Variants in RXRA observed in about 807,000 individuals in gnomAD.
RXRA encodes retinoid X receptor alpha.
In RXRA, 5 loss-of-function variants were observed where a neutral mutation model predicts 44.5. The observed-to-expected ratio is 0.11, with a 90% CI of 0.06 to 0.24. RXRA has a LOEUF of 0.24. RXRA is among the 10% of genes least tolerant of loss of function. RXRA has a pLI of 1.00. For synonymous variants in RXRA, 291 were observed against 271.4 expected (o/e 1.07, Z -0.71); for missense variants, 412 against 646.5 (o/e 0.64, Z 3.93).
At chr9:134,380,494 GC>G (rs34394067) in intron 1 of RXRA, among the ~76,000 whole-genome samples, 103,707 of 151,878 alleles carry the variant, frequency 0.68, 35,923 homozygotes, top group Non-Finnish European at 0.75. Context: ...CAGGTGGGCG[GC>G]CCCCCCTGGG....
In RXRA at chr9:134,401,746, A is replaced by G. The variant is rs1291556244; in HGVS notation, c.143A>G (p.His48Arg). Residue 48 changes from histidine to arginine, a missense_variant, in exon 2 of 10, where the codon CAT (histidine) becomes CGT (arginine). His to Arg is a conservative substitution (Grantham distance 29). Around this residue, in one of 4 missense-constraint regions of RXRA, gnomAD observed 156 missense variants for 177.2 expected, o/e 0.88. Transcript: ENST00000481739. ...GGCATCGGCTCCCCGGGACAGCTGC[A>G]TTCTCCCATCAGCACCCTGAGCTCC... ...GPGIGSPGQL[H>R]SPISTLSSPI... is the part of the protein sequence containing the mutation. The G allele has an allele frequency of 1.9e-6, 3 of 1,612,958 alleles. No individual in the cohort carries two copies. Among genetic ancestry groups the G allele is most frequent in the African/African-American group, 1.3e-5 (1 of 74,962 alleles).
At chr9:134,408,038 T>G in intron 2 of RXRA, 111 bp from the exon 3 acceptor site, 1 of 773,614 alleles carries the variant, frequency 1.3e-6, no homozygotes. Flanking sequence ...AGCCTCGGTG[T>G]CTGTGTGTGA....
At chr9:134,404,014 G>A (rs1053653717) in intron 2 of RXRA, 2 of 152,236 alleles carry the variant, frequency 1.3e-5, no homozygotes, top group African/African-American at 4.8e-5. Flanking sequence ...TCCTTCCCTG[G>A]GGGTTGAGTC....
At chr9:134,430,249 A>G (rs1470915991) in intron 7 of RXRA, among the ~76,000 whole-genome samples, 1 of 152,074 alleles carries the variant, frequency 6.6e-6, no homozygotes, top group Non-Finnish European at 1.5e-5. Flanking sequence ...CCTTCTGGGG[A>G]CCGGATGTCA....
chr9:134,341,708 C>T (rs1830088601), intron 1 of RXRA, among the ~76,000 whole-genome samples: 3 of 152,126 alleles, frequency 2.0e-5, no homozygotes, highest in Non-Finnish European at 1.5e-5. Flanking sequence ...GGGCGGCTGG[C>T]CTCTTCCCGC....
intron 1 of RXRA, among the ~76,000 whole-genome samples, chr9:134,332,361 G>A (rs996117116): frequency 6.6e-6 from 1 of 152,216 alleles, no homozygotes; most frequent in South Asian, 2.1e-4. Flanking sequence ...CAGCACACGC[G>A]GCCCACCCCA....
At chr9:134,346,723 C>T (rs1160800164) in intron 1 of RXRA, among the ~76,000 whole-genome samples, 1 of 152,242 alleles carries the variant, frequency 6.6e-6, no homozygotes. Flanking sequence ...TACCTTCACC[C>T]CACTGTCTGC....
chr9:134,329,938 CA>C (rs1588244300), intron 1 of RXRA, among the ~76,000 whole-genome samples: 1 of 152,254 alleles, frequency 6.6e-6, no homozygotes, highest in East Asian at 1.9e-4. Context: ...GTGCATGTGG[CA>C]GGGGGCTCTG....
intron 1 of RXRA, among the ~76,000 whole-genome samples, chr9:134,357,794 A>T (rs1830300594): frequency 6.6e-6 from 1 of 152,174 alleles, no homozygotes; most frequent in Non-Finnish European, 1.5e-5. Context: ...TTCTTAGAAA[A>T]TTATGTGTAA....
Position 134,349,801 on chromosome 9 carries a change from G to A in RXRA, c.28+23142G>A, listed in dbSNP as rs2119041014. On this transcript the variant is annotated intron_variant, in intron 1 of 9. Transcript: ENST00000481739. This position sits in a 1 kb window ranked among gnomAD's most constrained non-coding sequence, Gnocchi z 4.3. ...ACCCAGGAAGGCTGCTTGGAGGAGGGGCAGAGCTGGGCTAGCTCGGGTGGG... is the reference window on the plus strand; with the variant it reads ...ACCCAGGAAGGCTGCTTGGAGGAGGAGCAGAGCTGGGCTAGCTCGGGTGGG... 6.6e-6 allele frequency among the ~76,000 whole-genome samples: 1 copy of A among 150,434 alleles called. No individual in the cohort carries two copies. Among genetic ancestry groups the A allele is most frequent in the African/African-American group, 2.4e-5 (1 of 41,118 alleles).
In RXRA at chr9:134,350,255, T is replaced by C. The variant is rs569444043; in HGVS notation, c.28+23596T>C. 2.0e-5 allele frequency among the ~76,000 whole-genome samples: 3 copies of C among 152,226 alleles called. No individual in the cohort carries two copies. In the East Asian group the frequency reaches 5.8e-4, roughly 29 times the overall value. On this transcript the variant is annotated intron_variant, in intron 1 of 9. Coordinates refer to ENST00000481739, the MANE Select transcript of RXRA (RefSeq NM_002957.6). ...GGAGGAACTGGCCCCAGAGAGCCAG[T>C]GGGGCTGGGGCCGCGGAGTGGCCTG...
chr9:134,422,157 C>T (rs1831348481), intron 6 of RXRA: 2 of 1,298,908 alleles, frequency 1.5e-6, no homozygotes, highest in African/African-American at 1.5e-5. Context: ...CTTCCCCCTC[C>T]TGGGACACAC....
At position 134,366,126 on chromosome 9, in the gene RXRA, G is replaced by T. The variant is rs1478620019; in HGVS notation, c.29-35506G>T. Among the ~76,000 whole-genome samples the T allele has an allele frequency of 6.6e-6, 1 of 152,162 alleles. No individual in the cohort carries two copies. The highest frequency in any genetic ancestry group is 1.5e-5 in the Non-Finnish European group (1 of 68,022). On this transcript the variant is annotated intron_variant, in intron 1 of 9. Transcript: ENST00000481739. This position sits in a 1 kb window ranked among gnomAD's most constrained non-coding sequence, Gnocchi z 5.9. ...GGGAGCGGTGCTGTCCCTGGGTACA[G>T]ATGAGAAGCCAAGGCTCAGAGGCAC...
intron 1 of RXRA, among the ~76,000 whole-genome samples, chr9:134,359,800 T>C (rs1164753736): frequency 1.3e-5 from 2 of 152,102 alleles, no homozygotes; most frequent in African/African-American, 2.4e-5. Flanking sequence ...TCCTGGAAGG[T>C]CCTGGGTAGG....
At chr9:134,338,332 T>C (rs1337507338) in intron 1 of RXRA, among the ~76,000 whole-genome samples, 2 of 152,228 alleles carry the variant, frequency 1.3e-5, no homozygotes, top group Non-Finnish European at 2.9e-5. Flanking sequence ...AAAGAACAAA[T>C]GCCAGCTGTG....
At chr9:134,382,290 T>C (rs1830658780) in intron 1 of RXRA, among the ~76,000 whole-genome samples, 2 of 151,054 alleles carry the variant, frequency 1.3e-5, no homozygotes, top group South Asian at 4.2e-4. Flanking sequence ...TGTGTGTGTG[T>C]GTGCGCTTTT....
intron 1 of RXRA, chr9:134,380,291 C>T: frequency 2.7e-6 from 2 of 732,660 alleles, no homozygotes; most frequent in African/African-American, 1.9e-5. Flanking sequence ...CTGAGGCTGG[C>T]CTGCCCGTGG....
chr9:134,382,881 T>C (rs1403495961), intron 1 of RXRA, among the ~76,000 whole-genome samples: 1 of 152,182 alleles, frequency 6.6e-6, no homozygotes, highest in Non-Finnish European at 1.5e-5. Flanking sequence ...GCCCCGGTGC[T>C]GGGCGCAGCA....
intron 1 of RXRA, among the ~76,000 whole-genome samples, chr9:134,389,107 G>A (rs529505203): frequency 5.3e-5 from 8 of 152,156 alleles, no homozygotes; most frequent in Admixed American, 2.0e-4. Flanking sequence ...AGTCACATCC[G>A]CCACCTGGCC....
Sources: gnomAD v4.1 joint callset for allele counts (sites outside exome capture counted in the v4.1 genomes callset) on GRCh38, gnomAD v4.1.1 for gene constraint, gnomAD v4.1.1 regional missense constraint, Gnocchi (gnomAD v3.1) non-coding constraint, MANE v1.5 for transcripts, NCBI Gene and HGNC (gene_info 2026-07-23, HGNC 2026-07-21) for gene names.